The following AFG2A variants were observed in gnomAD, a reference collection of about 807,000 sequenced individuals.
AFG2A encodes AAA ATPase AFG2A, also known as ATPase family gene 2 protein homolog A.
chr4:123,059,135 T>TTTTATTTTA, the AFG2A span, among the ~76,000 whole-genome samples: 1 of 138,372 alleles, frequency 7.2e-6, no homozygotes, highest in Non-Finnish European at 1.6e-5. Context: ...TTTCTTTTCT[T>TTTTATTTTA]TTTTATTTTA....
chr4:123,194,819 A>G, the AFG2A span, among the ~76,000 whole-genome samples: 3 of 152,232 alleles, frequency 2.0e-5, no homozygotes, highest in African/African-American at 7.2e-5. Context: ...TGAGACACAT[A>G]CTAGCAGGTG....
chr4:123,313,790 T>A, the AFG2A span: 849 of 1,171,922 alleles, frequency 7.2e-4, 4 homozygotes, highest in Middle Eastern at 2.3e-3. Context: ...CATTTAGTTG[T>A]AGAAGGTACC....
At chr4:123,015,343 G>A in the AFG2A span, among the ~76,000 whole-genome samples, 4 of 151,726 alleles carry the variant, frequency 2.6e-5, no homozygotes, top group Non-Finnish European at 4.4e-5. Flanking sequence ...CTTCCGCAGT[G>A]TTTGTGTCCC....
chr4:123,044,253 G>A, the AFG2A span, among the ~76,000 whole-genome samples: 138,354 of 152,210 alleles, frequency 0.91, 63,117 homozygotes, highest in East Asian at 0.97. Context: ...AACCAATTGC[G>A]GTGGCTCTGG....
the AFG2A span, among the ~76,000 whole-genome samples, chr4:123,104,723 G>T: frequency 1.3e-5 from 2 of 152,202 alleles, no homozygotes; most frequent in Non-Finnish European, 2.9e-5. Flanking sequence ...CTGGATAGAA[G>T]ATCAAACCAA....
At chr4:123,263,335 C>T in the AFG2A span, among the ~76,000 whole-genome samples, 8 of 152,262 alleles carry the variant, frequency 5.3e-5, no homozygotes, top group African/African-American at 1.4e-4. Context: ...ATTTGCCCCC[C>T]TTGGCTGGGC....
the AFG2A span, among the ~76,000 whole-genome samples, chr4:123,249,706 T>C: frequency 6.6e-6 from 1 of 152,148 alleles, no homozygotes; most frequent in African/African-American, 2.4e-5. Context: ...AAAATGAATA[T>C]GATTCCTGCC....
the AFG2A span, among the ~76,000 whole-genome samples, chr4:122,931,120 C>T: frequency 6.6e-6 from 1 of 152,022 alleles, no homozygotes; most frequent in Admixed American, 6.6e-5. Flanking sequence ...TTTTTAAAAG[C>T]AAAATTGGTT....
the AFG2A span, among the ~76,000 whole-genome samples, chr4:123,103,415 A>C: frequency 6.6e-6 from 1 of 152,252 alleles, no homozygotes; most frequent in East Asian, 1.9e-4. Flanking sequence ...AGTTAATTTT[A>C]GTCAAATATG....
chr4:123,108,123 T>C, the AFG2A span, among the ~76,000 whole-genome samples: 4 of 152,304 alleles, frequency 2.6e-5, no homozygotes, highest in East Asian at 1.9e-4. Flanking sequence ...ACCTACCCAG[T>C]GCAGCGGGCG....
At chr4:123,121,571 A>G in the AFG2A span, among the ~76,000 whole-genome samples, 1 of 152,234 alleles carries the variant, frequency 6.6e-6, no homozygotes, top group Non-Finnish European at 1.5e-5. Context: ...ATGTTTAGAC[A>G]CAAATACCAT....
the AFG2A span, among the ~76,000 whole-genome samples, chr4:123,283,358 AAGAGAGAG>A: frequency 8.1e-5 from 12 of 149,000 alleles, no homozygotes; most frequent in Admixed American, 3.3e-4. Context: ...GGAAAAAAAA[AAGAGAGAG>A]AGAGAGAGAG....
the AFG2A span, among the ~76,000 whole-genome samples, chr4:122,986,367 T>C: frequency 6.6e-6 from 1 of 152,216 alleles, no homozygotes; most frequent in Non-Finnish European, 1.5e-5. Context: ...GTGCTGTCAG[T>C]GGAGTACTGA....
chr4:122,979,564 C>G, the AFG2A span, among the ~76,000 whole-genome samples: 2 of 152,194 alleles, frequency 1.3e-5, no homozygotes, highest in Admixed American at 6.5e-5. Flanking sequence ...TAGGGAGATT[C>G]TGTGTATCCT....
chr4:123,105,447 T>C, the AFG2A span, among the ~76,000 whole-genome samples: 1 of 152,194 alleles, frequency 6.6e-6, no homozygotes, highest in Admixed American at 6.5e-5. Context: ...CTGCAGCCTA[T>C]GGATGAAGGA....
the AFG2A span, chr4:122,927,520 G>GGTAA: frequency 9.6e-7 from 1 of 1,040,500 alleles, no homozygotes; most frequent in African/African-American, 1.6e-5. Flanking sequence ...TCCAGGGTAT[G>GGTAA]GTAAGTACAT....
chr4:123,173,924 A>G, the AFG2A span, among the ~76,000 whole-genome samples: 2 of 152,286 alleles, frequency 1.3e-5, no homozygotes, highest in East Asian at 3.9e-4. Flanking sequence ...CAAACTTTAT[A>G]CAAAGCAAGA....
chr4:123,049,800 T>C, the AFG2A span, among the ~76,000 whole-genome samples: 2 of 152,056 alleles, frequency 1.3e-5, no homozygotes, highest in African/African-American at 2.4e-5. Flanking sequence ...TTTATTTTTT[T>C]AGTCTGAATT....
chr4:123,123,939 G>A, the AFG2A span, among the ~76,000 whole-genome samples: 1 of 96,140 alleles, frequency 1.0e-5, no homozygotes, highest in African/African-American at 4.3e-5. Context: ...GCGACAGAGT[G>A]AAACTCCGTC....
Sources: gnomAD v4.1 joint callset for allele counts (sites outside exome capture counted in the v4.1 genomes callset) on GRCh38, gnomAD v4.1.1 for gene constraint, MANE v1.5 for transcripts, NCBI Gene and HGNC (gene_info 2026-07-23, HGNC 2026-07-21) for gene names.